Variants in SPMIP1 observed in about 807,000 individuals in gnomAD.
The protein encoded by SPMIP1 is protein SPMIP1.
At chr7:128,867,044 A>C in the SPMIP1 span, among the ~76,000 whole-genome samples, 1 of 152,276 alleles carries the variant, frequency 6.6e-6, no homozygotes, top group Non-Finnish European at 1.5e-5. Context: ...CTTTCTGAGG[A>C]CCCGAGGCTG....
chr7:128,866,876 C>T, the SPMIP1 span: 1 of 1,495,152 alleles, frequency 6.7e-7, no homozygotes, highest in Non-Finnish European at 8.9e-7. Flanking sequence ...GAGCACTAGC[C>T]ATGTGCTAGG....
At chr7:128,867,359 A>C in the SPMIP1 span, among the ~76,000 whole-genome samples, 2 of 152,192 alleles carry the variant, frequency 1.3e-5, no homozygotes, top group Non-Finnish European at 2.9e-5. Context: ...GGGAAGAGAG[A>C]TCAATCACCC....
chr7:128,866,612 C>T, the SPMIP1 span: 1 of 1,535,360 alleles, frequency 6.5e-7, no homozygotes, highest in Admixed American at 2.0e-5. Flanking sequence ...CCACCCGCCC[C>T]CAAGTCAGCC....
the SPMIP1 span, chr7:128,871,555 T>A: frequency 6.6e-6 from 1 of 152,184 alleles, no homozygotes; most frequent in Non-Finnish European, 1.5e-5. Flanking sequence ...AAAGAGATGA[T>A]GTGTTGCCGC....
the SPMIP1 span, chr7:128,868,962 A>C: frequency 3.7e-6 from 2 of 546,346 alleles, no homozygotes; most frequent in Admixed American, 3.1e-5. Flanking sequence ...CACTTTAATC[A>C]TCCCTTTGAG....
chr7:128,866,578 C>T, the SPMIP1 span: 843 of 1,535,514 alleles, frequency 5.5e-4, 12 homozygotes, highest in South Asian at 8.7e-3. Context: ...GCCCACCCTG[C>T]ACCCCAAAGC....
chr7:128,867,075 G>A, the SPMIP1 span, among the ~76,000 whole-genome samples: 1 of 152,206 alleles, frequency 6.6e-6, no homozygotes, highest in Non-Finnish European at 1.5e-5. Flanking sequence ...GATAAGGATG[G>A]GTTTGGATTT....
At chr7:128,868,526 T>TC in the SPMIP1 span, 16 of 556,950 alleles carry the variant, frequency 2.9e-5, 1 homozygote, top group Admixed American at 2.1e-4. Context: ...CTCCCATTCC[T>TC]CCAAAGCACT....
chr7:128,868,771 T>G, the SPMIP1 span: 1 of 1,531,454 alleles, frequency 6.5e-7, no homozygotes, highest in Non-Finnish European at 8.7e-7. Flanking sequence ...GACCTGGCCC[T>G]CTGACCGTGG....
chr7:128,871,997 T>C, the SPMIP1 span: 6 of 152,264 alleles, frequency 3.9e-5, no homozygotes, highest in South Asian at 6.2e-4. Flanking sequence ...ATGTGCATGA[T>C]GGAACAATAA....
the SPMIP1 span, chr7:128,866,802 C>G: frequency 6.5e-7 from 1 of 1,534,770 alleles, no homozygotes; most frequent in Non-Finnish European, 8.7e-7. Flanking sequence ...TCCCCATCAC[C>G]ACCAGCTTCA....
At chr7:128,867,721 G>A in the SPMIP1 span, among the ~76,000 whole-genome samples, 1 of 152,132 alleles carries the variant, frequency 6.6e-6, no homozygotes, top group African/African-American at 2.4e-5. Context: ...GCAGGCGTGT[G>A]TCACCACGCC....
the SPMIP1 span, chr7:128,869,825 C>T: frequency 6.6e-6 from 1 of 152,464 alleles, no homozygotes; most frequent in South Asian, 2.1e-4. Context: ...GGAGGGCACC[C>T]GGAAGCCAAG....
chr7:128,868,589 GCAGA>G, the SPMIP1 span: 29 of 878,868 alleles, frequency 3.3e-5, no homozygotes, highest in African/African-American at 1.8e-4. Flanking sequence ...CTAGGGCTGT[GCAGA>G]CAGACAGGGC....
the SPMIP1 span, chr7:128,866,811 C>G: frequency 6.5e-7 from 1 of 1,534,020 alleles, no homozygotes; most frequent in African/African-American, 1.4e-5. Context: ...CCACCAGCTT[C>G]ACGTATGGCT....
chr7:128,868,041 G>C, the SPMIP1 span, among the ~76,000 whole-genome samples: 3 of 152,210 alleles, frequency 2.0e-5, no homozygotes, highest in African/African-American at 7.2e-5. Flanking sequence ...CATCAGCGGG[G>C]AGGGAGCTGA....
the SPMIP1 span, chr7:128,870,796 C>T: frequency 2.0e-5 from 3 of 152,274 alleles, no homozygotes; most frequent in Admixed American, 2.0e-4. Flanking sequence ...AGGGGCCAGC[C>T]TTTGCCTGAT....
the SPMIP1 span, chr7:128,866,846 T>A: frequency 2.0e-6 from 3 of 1,523,144 alleles, no homozygotes; most frequent in African/African-American, 4.1e-5. Flanking sequence ...CCCAACCTCT[T>A]GGAAATCACC....
chr7:128,869,171 G>T, the SPMIP1 span: 1 of 335,150 alleles, frequency 3.0e-6, no homozygotes, highest in East Asian at 4.6e-5. Context: ...ACCTGGCCCC[G>T]AGGGCCCGCA....
Sources: allele counts gnomAD v4.1 joint callset (sites outside exome capture counted in the v4.1 genomes callset), GRCh38; gene constraint gnomAD v4.1.1; transcripts MANE v1.5; gene names NCBI Gene and HGNC (gene_info 2026-07-23, HGNC 2026-07-21).